Variants in TEAD1 observed in about 807,000 individuals in gnomAD.
The protein encoded by TEAD1 is TEA domain transcription factor 1, also known as transcriptional enhancer factor TEF-1.
Under a neutral mutation model 54.9 loss-of-function variants are expected in TEAD1, and 9 were observed. The ratio of observed to expected loss-of-function variants is 0.16; its 90% CI spans 0.10 to 0.29. The LOEUF is 0.29. TEAD1 is among the 10% of genes least tolerant of loss of function. The pLI, the probability that TEAD1 is intolerant of heterozygous loss-of-function variation, is 1.00. For missense variants in TEAD1, 387 were observed against 535.9 expected, an observed-to-expected ratio of 0.72 and a Z score of 2.74; for synonymous variants, 200 against 187.8, an observed-to-expected ratio of 1.07 and a Z score of -0.53.
At chr11:12,799,743 C>G (rs950236087) in intron 3 of TEAD1, among the ~76,000 whole-genome samples, 1 of 152,190 alleles carries the variant, frequency 6.6e-6, no homozygotes, top group Admixed American at 6.5e-5. Flanking sequence ...TTTGCTCTTC[C>G]AAGCTGTTAC....
chr11:12,801,784 A>G (rs1946064972), intron 3 of TEAD1, among the ~76,000 whole-genome samples: 1 of 152,232 alleles, frequency 6.6e-6, no homozygotes, highest in Non-Finnish European at 1.5e-5. Flanking sequence ...GAATCATAAC[A>G]TGCTTAATCC....
intron 3 of TEAD1, among the ~76,000 whole-genome samples, chr11:12,772,439 G>C (rs924809685): frequency 2.0e-5 from 3 of 152,170 alleles, no homozygotes; most frequent in Admixed American, 6.5e-5. Context: ...GAGGAGGATG[G>C]GGGGAGGGCC....
At chr11:12,676,746 A>G (rs1943101442) in intron 2 of TEAD1, among the ~76,000 whole-genome samples, 1 of 152,106 alleles carries the variant, frequency 6.6e-6, no homozygotes, top group Non-Finnish European at 1.5e-5. Flanking sequence ...GTTTCCATAA[A>G]TGGTCACAGA....
At chr11:12,737,465 C>G (rs545460467) in intron 2 of TEAD1, among the ~76,000 whole-genome samples, 2 of 152,198 alleles carry the variant, frequency 1.3e-5, no homozygotes, top group Non-Finnish European at 2.9e-5. Context: ...AGACAGCTCA[C>G]AAGCAAGTGT....
intron 2 of TEAD1, among the ~76,000 whole-genome samples, chr11:12,678,880 A>G (rs1344886045): frequency 6.6e-6 from 1 of 152,210 alleles, no homozygotes; most frequent in Non-Finnish European, 1.5e-5. Flanking sequence ...TTGTAGTGGT[A>G]CAGAATAGGG....
At chr11:12,792,927 A>C (rs182701081) in intron 3 of TEAD1, among the ~76,000 whole-genome samples, 1 of 152,308 alleles carries the variant, frequency 6.6e-6, no homozygotes, top group African/African-American at 2.4e-5. Context: ...ATGATGGCTC[A>C]TGACTGTAGT....
intron 3 of TEAD1, among the ~76,000 whole-genome samples, chr11:12,795,631 C>G (rs1945900777): frequency 6.6e-6 from 1 of 152,174 alleles, no homozygotes; most frequent in East Asian, 1.9e-4. Context: ...GCTTTATACC[C>G]TTGCTCCTCC....
intron 3 of TEAD1, among the ~76,000 whole-genome samples, chr11:12,786,697 A>G (rs1945684292): frequency 6.6e-6 from 1 of 152,168 alleles, no homozygotes; most frequent in South Asian, 2.1e-4. Context: ...CACTGGGGAT[A>G]TTGCAGTGAG....
intron 3 of TEAD1, among the ~76,000 whole-genome samples, chr11:12,799,793 T>C (rs1946011797): frequency 2.0e-5 from 3 of 152,228 alleles, no homozygotes; most frequent in Admixed American, 2.0e-4. Context: ...CTGTTTTTCT[T>C]GAAGTTCTTT....
chr11:12,931,033 A>G (rs934007332), intron 12 of TEAD1, among the ~76,000 whole-genome samples: 1 of 152,216 alleles, frequency 6.6e-6, no homozygotes, highest in Non-Finnish European at 1.5e-5. Flanking sequence ...TGGGAGGCCA[A>G]GGTGGGAGGA....
At chr11:12,862,063 C>T (rs1947517090) in intron 3 of TEAD1, among the ~76,000 whole-genome samples, 187 bp from the exon 4 acceptor site, 1 of 149,348 alleles carries the variant, frequency 6.7e-6, no homozygotes, top group Non-Finnish European at 1.5e-5. Flanking sequence ...ATTTAAATGC[C>T]TTTCATCTTA....
intron 10 of TEAD1, among the ~76,000 whole-genome samples, chr11:12,915,467 C>A (rs1361627196): frequency 6.6e-6 from 1 of 152,182 alleles, no homozygotes; most frequent in Non-Finnish European, 1.5e-5. Flanking sequence ...TCTTCCTTAC[C>A]CTTGAAATGG....
chr11:12,846,548 C>A (rs1013445500), intron 3 of TEAD1, among the ~76,000 whole-genome samples: 2 of 151,882 alleles, frequency 1.3e-5, no homozygotes, highest in African/African-American at 4.8e-5. Flanking sequence ...AATGAGCTTG[C>A]AGATAAAGCT....
At chr11:12,900,278 C>T (rs1001978540) in intron 9 of TEAD1, among the ~76,000 whole-genome samples, 6 of 151,316 alleles carry the variant, frequency 4.0e-5, no homozygotes, top group African/African-American at 7.3e-5. Context: ...CCAGGCTGGT[C>T]TCAAACTCTT....
chr11:12,783,125 T>C (rs574249285), intron 3 of TEAD1, among the ~76,000 whole-genome samples: 2 of 150,458 alleles, frequency 1.3e-5, no homozygotes, highest in South Asian at 4.2e-4. Flanking sequence ...TGTGTGTGTG[T>C]GTGTGTGTGC....
intron 3 of TEAD1, among the ~76,000 whole-genome samples, chr11:12,838,084 A>G (rs956402557): frequency 6.6e-6 from 1 of 152,148 alleles, no homozygotes; most frequent in African/African-American, 2.4e-5. Context: ...GGTGTGAGCC[A>G]CCGTGCCCAG....
chr11:12,932,289 A>G (rs1180079718), intron 12 of TEAD1, among the ~76,000 whole-genome samples: 1 of 152,180 alleles, frequency 6.6e-6, no homozygotes, highest in Non-Finnish European at 1.5e-5. Flanking sequence ...TCCTGTTGCT[A>G]TCTAAGAATA....
chr11:12,683,231 AT>A (rs1443152294), intron 2 of TEAD1, among the ~76,000 whole-genome samples: 2 of 152,236 alleles, frequency 1.3e-5, no homozygotes, highest in African/African-American at 4.8e-5. Context: ...TTGTGACATC[AT>A]TTGTTTCACA....
At chr11:12,680,999 C>G (rs1450929188) in intron 2 of TEAD1, among the ~76,000 whole-genome samples, 4 of 152,160 alleles carry the variant, frequency 2.6e-5, no homozygotes, top group Non-Finnish European at 4.4e-5. Flanking sequence ...CTAACTGATT[C>G]TGAAACCATT....
Sources: gnomAD v4.1 joint callset for allele counts (sites outside exome capture counted in the v4.1 genomes callset) on GRCh38, gnomAD v4.1.1 for gene constraint, MANE v1.5 for transcripts, NCBI Gene and HGNC (gene_info 2026-07-23, HGNC 2026-07-21) for gene names.